The following RPGRIP1L variants were observed in gnomAD, a reference collection of about 807,000 sequenced individuals.
RPGRIP1L encodes the protein RPGRIP1 like.
Under a neutral mutation model 160.4 loss-of-function variants are expected in RPGRIP1L, and 131 were observed. That is an observed-to-expected ratio of 0.82 (90% CI 0.71 to 0.94). The LOEUF (loss-of-function observed/expected upper bound fraction) is 0.94, where lower values mean the gene tolerates loss of function less well. RPGRIP1L is among the 40% of genes least tolerant of loss of function. RPGRIP1L has a pLI of 0.00. For synonymous variants in RPGRIP1L, 510 were observed against 515.8 expected (o/e 0.99, Z 0.15); for missense variants, 1,522 against 1,535.8 (o/e 0.99, Z 0.15).
intron 13 of RPGRIP1L, among the ~76,000 whole-genome samples, chr16:53,657,197 G>A (rs988815126): frequency 2.6e-5 from 4 of 151,830 alleles, no homozygotes; most frequent in Non-Finnish European, 4.4e-5. Flanking sequence ...CCACGATTGC[G>A]CCACTGGATT....
chr16:53,698,445 AG>A (rs1276945612), intron 2 of RPGRIP1L, among the ~76,000 whole-genome samples: 1 of 140,546 alleles, frequency 7.1e-6, no homozygotes, highest in Non-Finnish European at 1.5e-5. Context: ...CCTACTGGGA[AG>A]TGAGGGGCCT....
intron 9 of RPGRIP1L, among the ~76,000 whole-genome samples, chr16:53,669,425 C>T (rs1434820258): frequency 1.3e-5 from 2 of 148,842 alleles, no homozygotes; most frequent in African/African-American, 2.5e-5. Flanking sequence ...TTTAGTGTGA[C>T]AGGAAAAAAA....
At chr16:53,681,846 CA>C (rs1248023992) in intron 6 of RPGRIP1L, among the ~76,000 whole-genome samples, 3 of 152,174 alleles carry the variant, frequency 2.0e-5, no homozygotes. Context: ...ACGTTAGGTT[CA>C]TGTTTGAGAA....
chr16:53,650,691 G>A (rs1184112591), intron 15 of RPGRIP1L, among the ~76,000 whole-genome samples: 1 of 152,180 alleles, frequency 6.6e-6, no homozygotes, highest in Non-Finnish European at 1.5e-5. Flanking sequence ...TGAGTCATGT[G>A]AATATATTAC....
At chr16:53,636,775 A>T (rs1390823714) in intron 21 of RPGRIP1L, among the ~76,000 whole-genome samples, 1 of 152,162 alleles carries the variant, frequency 6.6e-6, no homozygotes, top group Non-Finnish European at 1.5e-5. Flanking sequence ...TAAGAAAAAA[A>T]TTTTAAAAAG....
chr16:53,609,606 C>T (rs1278353955), intron 25 of RPGRIP1L, among the ~76,000 whole-genome samples: 1 of 152,180 alleles, frequency 6.6e-6, no homozygotes, highest in Non-Finnish European at 1.5e-5. Flanking sequence ...TGAATCGCAG[C>T]CCAGGACTTG....
chr16:53,620,288 T>C (rs547810888), intron 23 of RPGRIP1L, among the ~76,000 whole-genome samples: 48 of 152,308 alleles, frequency 3.2e-4, no homozygotes, highest in Middle Eastern at 6.8e-3. Context: ...TAAAGAACAA[T>C]TTCCATTGCT....
At chr16:53,671,458 T>G in intron 9 of RPGRIP1L, 52 bp downstream of exon 9, 1 of 1,155,564 alleles carries the variant, frequency 8.7e-7, no homozygotes, top group Non-Finnish European at 1.3e-6. Flanking sequence ...AATGCTTACA[T>G]ATAAAAGAGC....
At chr16:53,679,931 C>T (rs775494631) in intron 6 of RPGRIP1L, among the ~76,000 whole-genome samples, 2 of 152,088 alleles carry the variant, frequency 1.3e-5, no homozygotes, top group Non-Finnish European at 2.9e-5. Flanking sequence ...TGGCCAGAGA[C>T]CTTAAGTAAT....
At chr16:53,645,214 C>T (rs1966463350) in intron 17 of RPGRIP1L, among the ~76,000 whole-genome samples, 1 of 151,960 alleles carries the variant, frequency 6.6e-6, no homozygotes, top group South Asian at 2.1e-4. Flanking sequence ...CTTCTCTTAA[C>T]CTCTTTAAAG....
At chr16:53,628,093 T>A (rs1434772893) in intron 22 of RPGRIP1L, among the ~76,000 whole-genome samples, 1 of 151,996 alleles carries the variant, frequency 6.6e-6, no homozygotes, top group Non-Finnish European at 1.5e-5. Context: ...CAGATAATTA[T>A]AAATTGGTAT....
rs1167774757 is a variant in RPGRIP1L, at chr16:53,613,724, G to T, written c.3617-2673C>A. On this transcript the variant is annotated intron_variant, in intron 24 of 26. Coordinates refer to ENST00000647211, the MANE Select transcript of RPGRIP1L (RefSeq NM_015272.5). ...TCTGCTTTATCGAGTTGGCCAACAT[G>T]CTATATTTCCTATTCTCTTAATAAA... Among the ~76,000 whole-genome samples the T allele has an allele frequency of 2.0e-5, 3 of 152,128 alleles. No homozygotes were observed. In the East Asian group the frequency reaches 5.8e-4, roughly 29 times the overall value.
chr16:53,678,721 A>G (rs557472314), intron 6 of RPGRIP1L, among the ~76,000 whole-genome samples: 1 of 152,334 alleles, frequency 6.6e-6, no homozygotes, highest in South Asian at 2.1e-4. Flanking sequence ...TAGTTAGGTC[A>G]AATATTTACG....
chr16:53,603,325 T>A (rs558090498), intron 26 of RPGRIP1L, among the ~76,000 whole-genome samples: 1 of 152,156 alleles, frequency 6.6e-6, no homozygotes. Context: ...TGAGTCTTCA[T>A]ATAGTTTCTG....
chr16:53,658,904 G>A lies in RPGRIP1L; in HGVS notation c.1244-26C>T, dbSNP rs990638395. Reference sequence around the variant, plus strand: ...CTTAAAAATAAAGTCCACACAATTGGAAAGGTAAGTAAAAATCAGGTTTAA... The same window carrying A: ...CTTAAAAATAAAGTCCACACAATTGAAAAGGTAAGTAAAAATCAGGTTTAA... On this transcript the variant is annotated intron_variant, in intron 10 of 26. Transcript: ENST00000647211. 4 of 1,409,942 alleles carry A rather than the reference G, an allele frequency of 2.8e-6. No homozygotes were observed. The African/African-American group carries it at 5.6e-5, about 20-fold the overall frequency. The allele number at this position is 1,409,942 out of a possible 1,614,324, so 87.3% of individuals were successfully genotyped here. A position where few individuals can be genotyped will look rare whatever the true frequency, so the allele number is the denominator to read the frequency against.
At chr16:53,663,580 T>G (rs1028456277) in intron 10 of RPGRIP1L, among the ~76,000 whole-genome samples, 3 of 152,032 alleles carry the variant, frequency 2.0e-5, no homozygotes, top group Admixed American at 2.0e-4. Context: ...AAGCACTCTG[T>G]TAGGTATTTG....
At chr16:53,660,608 A>G (rs554999012) in intron 10 of RPGRIP1L, among the ~76,000 whole-genome samples, 1 of 152,232 alleles carries the variant, frequency 6.6e-6, no homozygotes, top group South Asian at 2.1e-4. Context: ...GAGACATTTT[A>G]CATCAAGGCT....
chr16:53,661,820 T>G (rs1967823387), intron 10 of RPGRIP1L, among the ~76,000 whole-genome samples: 1 of 152,206 alleles, frequency 6.6e-6, no homozygotes, highest in Non-Finnish European at 1.5e-5. Flanking sequence ...CTGATATTTT[T>G]TAAACAAGGG....
chr16:53,633,958 A>C (rs1163094339), intron 22 of RPGRIP1L, among the ~76,000 whole-genome samples: 2 of 152,224 alleles, frequency 1.3e-5, no homozygotes, highest in Admixed American at 6.5e-5. Flanking sequence ...TCACTGTCTT[A>C]GTCCATTTGT....
Sources: gnomAD v4.1 joint callset for allele counts (sites outside exome capture counted in the v4.1 genomes callset) on GRCh38, gnomAD v4.1.1 for gene constraint, MANE v1.5 for transcripts, NCBI Gene and HGNC (gene_info 2026-07-23, HGNC 2026-07-21) for gene names.